The following AGBL4 variants were observed in gnomAD, a reference collection of about 807,000 sequenced individuals.
The protein encoded by AGBL4 is cytosolic carboxypeptidase 6.
A neutral mutation model predicts 66.4 loss-of-function variants in AGBL4; 58 were observed. The ratio of observed to expected loss-of-function variants is 0.87; its 90% CI spans 0.71 to 1.09. The LOEUF (loss-of-function observed/expected upper bound fraction) is 1.09. Ranked by LOEUF, AGBL4 falls within the 50% of genes least tolerant of loss-of-function variation. The pLI is 0.00. For missense variants in AGBL4, 579 were observed against 631.0 expected (o/e 0.92, Z 0.88); for synonymous variants, 234 against 222.9 (o/e 1.05, Z -0.44).
intron 1 of AGBL4, among the ~76,000 whole-genome samples, chr1:49,861,557 C>G (rs1443769268): frequency 6.6e-6 from 1 of 151,946 alleles, no homozygotes; most frequent in Non-Finnish European, 1.5e-5. Flanking sequence ...CCTTGATGGT[C>G]TTGGAGAACT....
At chr1:48,592,208 A>G (rs988613879) in intron 9 of AGBL4, among the ~76,000 whole-genome samples, 2 of 152,168 alleles carry the variant, frequency 1.3e-5, no homozygotes, top group Non-Finnish European at 2.9e-5. Context: ...CAATTAACTT[A>G]TTGTCATCAA....
At chr1:48,898,153 T>C (rs1043871226) in intron 5 of AGBL4, among the ~76,000 whole-genome samples, 1 of 152,178 alleles carries the variant, frequency 6.6e-6, no homozygotes, top group East Asian at 1.9e-4. Context: ...TTTTGTTTGT[T>C]TGTTTTGTTT....
rs1481139635 is a variant in AGBL4 at position 49,624,000 on chromosome 1, AGAGT to A, written c.282+73309_282+73312del. Among the ~76,000 whole-genome samples, 339 of 139,056 alleles carry A rather than the reference AGAGT, an allele frequency of 2.4e-3. 1 individual carries two copies. Among genetic ancestry groups the A allele is most frequent in the African/African-American group, 9.4e-3 (292 of 31,088 alleles). 91.2% of individuals were successfully genotyped at this position (139,056 alleles called of 152,430 possible). A position where few individuals can be genotyped will look rare whatever the true frequency, so the allele number is the denominator to read the frequency against. On this transcript the variant is annotated intron_variant, in intron 3 of 13. Transcript: ENST00000371839. ...TTACTTCATATAGTTTTGATGAGAG[AGAGT>A]GTGTGTGTGTGTGTGTGTGTGTGTG...
intron 3 of AGBL4, among the ~76,000 whole-genome samples, chr1:49,570,059 T>G (rs1023267532): frequency 6.6e-6 from 1 of 152,202 alleles, no homozygotes; most frequent in African/African-American, 2.4e-5. Context: ...TGCAGGTATC[T>G]TTTTGATGTG....
intron 3 of AGBL4, among the ~76,000 whole-genome samples, chr1:49,416,922 T>A (rs1645438476): frequency 6.6e-6 from 1 of 152,010 alleles, no homozygotes; most frequent in African/African-American, 2.4e-5. Context: ...AAATGGAATA[T>A]GATTGTTGAA....
At chr1:49,645,867 T>C (rs1645877844) in intron 3 of AGBL4, among the ~76,000 whole-genome samples, 1 of 150,998 alleles carries the variant, frequency 6.6e-6, no homozygotes, top group East Asian at 1.9e-4. Context: ...AGTTTAACAT[T>C]AGAAAAATAG....
chr1:49,207,543 T>TTCTTTC (rs773143118), intron 4 of AGBL4, among the ~76,000 whole-genome samples: 6 of 8,086 alleles, frequency 7.4e-4, no homozygotes, highest in African/African-American at 2.0e-3. Flanking sequence ...TTTTCTTTCT[T>TTCTTTC]TTCTTTCTTT....
chr1:48,539,522 A>G, intron 12 of AGBL4, 120 bp downstream of exon 12: 1 of 748,240 alleles, frequency 1.3e-6, no homozygotes, highest in Non-Finnish European at 2.0e-6. Flanking sequence ...CAGGGCCAGG[A>G]TTATCTTTCC....
At chr1:49,364,703 C>G (rs773440815) in intron 3 of AGBL4, among the ~76,000 whole-genome samples, 11 of 152,172 alleles carry the variant, frequency 7.2e-5, no homozygotes, top group Non-Finnish European at 1.5e-4. Context: ...GTCTTGAACT[C>G]CTGGCCTCAA....
intron 4 of AGBL4, among the ~76,000 whole-genome samples, chr1:49,052,371 C>T (rs151289791): frequency 6.6e-5 from 10 of 152,252 alleles, no homozygotes; most frequent in Middle Eastern, 3.4e-3. Flanking sequence ...TTCTCCAATC[C>T]AGATTCCTGA....
intron 1 of AGBL4, among the ~76,000 whole-genome samples, chr1:50,006,809 C>CA (rs1363435947): frequency 6.6e-6 from 1 of 152,046 alleles, no homozygotes; most frequent in African/African-American, 2.4e-5. Flanking sequence ...ACTTGTCCTA[C>CA]AAAAAATGCC....
chr1:49,967,502 G>A (rs543151876), intron 1 of AGBL4, among the ~76,000 whole-genome samples: 11 of 152,072 alleles, frequency 7.2e-5, no homozygotes, highest in Admixed American at 6.6e-5. Context: ...ATCACATACC[G>A]GGGCCTGTCA....
intron 8 of AGBL4, among the ~76,000 whole-genome samples, chr1:48,639,738 G>A (rs948701487): frequency 2.6e-5 from 4 of 152,194 alleles, no homozygotes; most frequent in Non-Finnish European, 5.9e-5. Context: ...CAAGAGTCAA[G>A]GCATGAGAGA....
intron 3 of AGBL4, among the ~76,000 whole-genome samples, chr1:49,507,133 G>A (rs1648763896): frequency 1.3e-5 from 2 of 152,006 alleles, no homozygotes; most frequent in South Asian, 4.1e-4. Context: ...CTGCTAGAGA[G>A]ATCATATAGA....
downstream of AGBL4, among the ~76,000 whole-genome samples, chr1:48,532,683 T>C (rs181171779): frequency 1.4e-3 from 218 of 152,300 alleles, 1 homozygote; most frequent in South Asian, 0.029. Flanking sequence ...CCCCAGGACT[T>C]TGACACGGGA....
At chr1:48,768,844 C>A (rs749281176) in intron 6 of AGBL4, among the ~76,000 whole-genome samples, 1 of 152,158 alleles carries the variant, frequency 6.6e-6, no homozygotes, top group Non-Finnish European at 1.5e-5. Flanking sequence ...GCATTAAAAA[C>A]AGATATGCCA....
At chr1:49,109,442 T>C (rs896470843) in intron 4 of AGBL4, among the ~76,000 whole-genome samples, 2 of 152,218 alleles carry the variant, frequency 1.3e-5, no homozygotes, top group Admixed American at 1.3e-4. Context: ...ACTCTCCACC[T>C]GGGTGGGGCC....
chr1:49,609,563 T>G (rs1011302749), intron 3 of AGBL4, among the ~76,000 whole-genome samples: 1 of 152,188 alleles, frequency 6.6e-6, no homozygotes, highest in African/African-American at 2.4e-5. Flanking sequence ...TTGAGTCATG[T>G]TTTCCTAGAC....
intron 6 of AGBL4, among the ~76,000 whole-genome samples, chr1:48,739,536 A>C (rs1433730551): frequency 6.6e-6 from 1 of 152,184 alleles, no homozygotes. Flanking sequence ...CCGTAACATC[A>C]AGAGGATGGG....
Sources: allele counts gnomAD v4.1 joint callset (sites outside exome capture counted in the v4.1 genomes callset), GRCh38; gene constraint gnomAD v4.1.1; transcripts MANE v1.5; gene names NCBI Gene and HGNC (gene_info 2026-07-23, HGNC 2026-07-21).